Variants in CLCNKA observed in about 807,000 individuals in gnomAD.
The protein encoded by CLCNKA is chloride channel protein ClC-Ka.
CLCNKA carries 66 observed loss-of-function variants against 83.3 expected under a neutral mutation model. The ratio of observed to expected loss-of-function variants is 0.79; its 90% CI spans 0.65 to 0.97. The LOEUF (loss-of-function observed/expected upper bound fraction) is 0.97. Ranked by LOEUF, CLCNKA falls within the 50% of genes least tolerant of loss-of-function variation. CLCNKA has a pLI of 0.00. For synonymous variants in CLCNKA, 357 were observed against 370.4 expected (o/e 0.96, Z 0.42); for missense variants, 806 against 888.7 (o/e 0.91, Z 1.18).
rs368597325 is a variant in CLCNKA, at chr1:16,033,118, G to A, written c.1930-52G>A. ...GAGGCGTGGCAGAGTGGGCCAGAGG[G>A]TGGGCTGGGCGCCATCTACCCTCCA... On this transcript the variant is annotated intron_variant, in intron 18 of 19. Transcript: ENST00000331433. The A allele has an allele frequency of 6.3e-6, 10 of 1,583,124 alleles. No homozygotes were observed. The Middle Eastern group carries it at 5.0e-4, about 79-fold the overall frequency.
At chr1:16,026,493 C>A (rs1376504812) in intron 5 of CLCNKA, 43 bp from the exon 6 acceptor site, 1 of 1,599,724 alleles carries the variant, frequency 6.3e-7, no homozygotes, top group African/African-American at 1.6e-5. Context: ...CGGGGTGAGA[C>A]TGTCTCTGCT....
chr1:16,029,828 A>G, intron 13 of CLCNKA, 28 bp downstream of exon 13: 3 of 1,613,512 alleles, frequency 1.9e-6, no homozygotes, highest in Non-Finnish European at 2.5e-6. Context: ...AGGTTCTGAG[A>G]GTTTTGGGGT....
chr1:16,033,832 G>C lies in CLCNKA; in HGVS notation c.*174G>C. ...GAAGAGGATGGCTCATCCTGGGTGG[G>C]ACGATGGCTCCTGCCTTGAAAGACA... On this transcript the variant is annotated 3_prime_UTR_variant, in exon 20 of 20. Coordinates refer to ENST00000331433, the MANE Select transcript of CLCNKA (RefSeq NM_004070.4). 2.8e-6 allele frequency: 2 copies of C among 714,714 alleles called. No homozygotes were observed. Among genetic ancestry groups the C allele is most frequent in the Non-Finnish European group, 5.0e-6 (2 of 398,514 alleles). 44.3% of individuals were successfully genotyped at this position (714,714 alleles called of 1,614,324 possible). A position where few individuals can be genotyped will look rare whatever the true frequency, so the allele number is the denominator to read the frequency against.
rs61151066 is a variant in CLCNKA at position 16,029,361 on chromosome 1, G to C, written c.1227+62G>C. The C allele has an allele frequency of 2.9e-3, 4,662 of 1,610,164 alleles. 91 individuals carry two copies. The African/African-American group carries it at 0.052, about 18-fold the overall frequency. Reference sequence around the variant, plus strand: ...GACCAGCTCTGGTGGGGAGGGGCGGGGGTGCCTCCCTGCACCTGGTGGCAT... The same window carrying C: ...GACCAGCTCTGGTGGGGAGGGGCGGCGGTGCCTCCCTGCACCTGGTGGCAT... On this transcript the variant is annotated intron_variant, in intron 12 of 19. Coordinates refer to ENST00000331433, the MANE Select transcript of CLCNKA (RefSeq NM_004070.4).
Position 16,028,768 on chromosome 1 carries a change from G to T in CLCNKA, c.976G>T (p.Val326Leu). 6.2e-7 allele frequency: 1 copy of T among 1,614,144 alleles called. No homozygotes were observed. Among genetic ancestry groups the T allele is most frequent in the Non-Finnish European group, 8.5e-7 (1 of 1,180,024 alleles). The change falls in exon 11 of 20, where the codon GTG becomes TTG. Residue 326 changes from valine (V) to leucine (L), a missense_variant. Transcript: ENST00000331433. ...SSKLLATSKP[V>L]YSALATLLLA... ...CTCACCCACCCCCCACAGCAAGCCT[G>T]TGTACTCCGCTCTGGCCACCTTGCT...
At position 16,026,052 on chromosome 1, in the gene CLCNKA, C is replaced by T. The variant is rs116036032; in HGVS notation, c.359-56C>T. On this transcript the variant is annotated intron_variant, in intron 4 of 19. Transcript: ENST00000331433. ...TACAGGCGTGAGCCACTGCGCCTGG[C>T]AGAGAGTTTTAATCTAGAGATTGTC... 0.017 allele frequency: 27,004 copies of T among 1,610,504 alleles called. 273 individuals carry two copies. The highest frequency in any genetic ancestry group is 0.02 in the Non-Finnish European group (23,722 of 1,178,784).
Position 16,027,886 on chromosome 1 carries a change from T to A in CLCNKA, c.847T>A (p.Phe283Ile). Residue 283 changes from phenylalanine to isoleucine, a missense_variant, in exon 9 of 20, where the codon TTC (phenylalanine) becomes ATC (isoleucine). Physicochemically the swap from Phe to Ile is conservative, Grantham distance 21 (BLOSUM62 0). Transcript: ENST00000331433. ...VDVPFDLPEI[F>I]FFVALGGICG... The stretch of plus-strand genomic sequence containing the variant: ...CGTTCCCTTCGACCTGCCTGAGATC[T>A]TCTTTTTTGTGGCGCTGGGGTGAGT... 1 of 1,613,756 alleles carries A rather than the reference T, an allele frequency of 6.2e-7. No homozygotes were observed. Among genetic ancestry groups the A allele is most frequent in the Non-Finnish European group, 8.5e-7 (1 of 1,179,818 alleles).
chr1:16,030,360 C>A (rs2022573828), intron 14 of CLCNKA, 101 bp from the exon 15 acceptor site: 3 of 1,446,904 alleles, frequency 2.1e-6, no homozygotes, highest in Non-Finnish European at 2.9e-6. Flanking sequence ...TCTTACAATT[C>A]CCACCCTAGC....
At chr1:16,030,745 C>A (rs982687650) in intron 15 of CLCNKA, 71 bp downstream of exon 15, 2 of 1,598,880 alleles carry the variant, frequency 1.3e-6, no homozygotes, top group East Asian at 2.2e-5. Context: ...GTGGAGGGCA[C>A]CTCCAAAAAG....
intron 15 of CLCNKA, among the ~76,000 whole-genome samples, 159 bp downstream of exon 15, chr1:16,030,833 C>G (rs2022596162): frequency 6.6e-6 from 1 of 152,238 alleles, no homozygotes; most frequent in Non-Finnish European, 1.5e-5. Context: ...TCCACTCTCC[C>G]CAGTGCCCTG....
chr1:16,027,568 C>T (rs1305012797), intron 8 of CLCNKA, 133 bp downstream of exon 8: 5 of 1,505,932 alleles, frequency 3.3e-6, no homozygotes, highest in African/African-American at 1.4e-5. Context: ...CGTGTTCCCA[C>T]CTCCTTCAGG....
chr1:16,028,945 C>T (rs1165583862), intron 11 of CLCNKA, 100 bp downstream of exon 11: 22 of 1,504,716 alleles, frequency 1.5e-5, no homozygotes, highest in East Asian at 2.3e-5. Flanking sequence ...ACCAGGGTGA[C>T]ACCTGGGCAT....
intron 10 of CLCNKA, 73 bp downstream of exon 10, chr1:16,028,192 C>A: frequency 7.2e-7 from 1 of 1,389,096 alleles, no homozygotes; most frequent in Non-Finnish European, 1.0e-6. Flanking sequence ...GTAGAAAGCC[C>A]CACCCCCATC....
rs1336802719 is a variant in CLCNKA, at chr1:16,030,094, T to C, written c.1408+19T>C. Reference sequence around the variant, plus strand: ...CTGGCAGGTGAGTGGGTCACGGCCCTGCTGGGTGGGCAATGTCGTGGGGCT... The same window carrying C: ...CTGGCAGGTGAGTGGGTCACGGCCCCGCTGGGTGGGCAATGTCGTGGGGCT... On this transcript the variant is annotated intron_variant, in intron 14 of 19. Transcript: ENST00000331433. 15 of 1,547,556 alleles carry C rather than the reference T, an allele frequency of 9.7e-6. No homozygotes were observed. In the African/African-American group the frequency reaches 1.9e-4, roughly 20 times the overall value.
intron 10 of CLCNKA, chr1:16,028,498 C>G (rs1447130276): frequency 6.2e-6 from 4 of 647,002 alleles, no homozygotes; most frequent in South Asian, 5.2e-5. Flanking sequence ...TCCCTCCTAG[C>G]CTGCCTCTGC....
rs2017577 is a variant in CLCNKA at position 16,023,628 on chromosome 1, C to G, written c.101-172C>G. On this transcript the variant is annotated intron_variant, in intron 2 of 19. Coordinates refer to ENST00000331433, the MANE Select transcript of CLCNKA (RefSeq NM_004070.4). ...ACACAGCCATCTGCCAGTCCCAGTG[C>G]GAGGAACGTGGACAACTTGCATTCC... Among the ~76,000 whole-genome samples the G allele has an allele frequency of 0.59, 90,004 of 152,060 alleles. 27,345 individuals carry two copies. The highest frequency in any genetic ancestry group is 0.78 in the East Asian group (4,018 of 5,158).
At chr1:16,032,770 C>A (rs2022683660) in intron 18 of CLCNKA, among the ~76,000 whole-genome samples, 1 of 152,226 alleles carries the variant, frequency 6.6e-6, no homozygotes, top group Non-Finnish European at 1.5e-5. Context: ...TGGAGAAAGA[C>A]AGTGGAGTTG....
At chr1:16,032,822 T>C (rs867279299) in intron 18 of CLCNKA, among the ~76,000 whole-genome samples, 6 of 152,180 alleles carry the variant, frequency 3.9e-5, no homozygotes, top group Middle Eastern at 3.2e-3. Context: ...TCCACCCCAT[T>C]TTGCCTGTGT....
intron 16 of CLCNKA, 117 bp from the exon 17 acceptor site, chr1:16,032,086 C>T: frequency 2.5e-6 from 3 of 1,194,094 alleles, no homozygotes; most frequent in African/African-American, 3.0e-5. Context: ...GTAAGGCAGT[C>T]CCTGGGCAGC....
Sources: gnomAD v4.1 joint callset for allele counts (sites outside exome capture counted in the v4.1 genomes callset) on GRCh38, gnomAD v4.1.1 for gene constraint, MANE v1.5 for transcripts, NCBI Gene and HGNC (gene_info 2026-07-23, HGNC 2026-07-21) for gene names.